Variants in FAS observed in about 807,000 individuals in gnomAD.
FAS encodes the protein tumor necrosis factor receptor superfamily member 6.
Under a neutral mutation model 33.2 loss-of-function variants are expected in FAS, and 5 were observed. The ratio of observed to expected loss-of-function variants is 0.15; its 90% CI spans 0.08 to 0.32. The LOEUF (loss-of-function observed/expected upper bound fraction) is 0.32, where lower values mean the gene tolerates loss of function less well. FAS is among the 10% of genes least tolerant of loss of function. The pLI is 1.00. For missense variants in FAS, 339 were observed against 386.0 expected (o/e 0.88, Z 1.02); for synonymous variants, 131 against 130.7 (o/e 1.00, Z -0.01).
chr10:88,986,349 T>C (rs2133364000), upstream of FAS, among the ~76,000 whole-genome samples: 1 of 152,264 alleles, frequency 6.6e-6, no homozygotes, highest in African/African-American at 2.4e-5. Context: ...AGGGGAGGGG[T>C]ACTCAATTGG....
At chr10:88,964,757 A>G (rs1208753118) in intron 1 of FAS, among the ~76,000 whole-genome samples, 1 of 152,136 alleles carries the variant, frequency 6.6e-6, no homozygotes, top group African/African-American at 2.4e-5. Flanking sequence ...GTATCTACAT[A>G]TCTTGTACCA....
chr10:89,002,390 T>G (rs1391899348), intron 1 of FAS, among the ~76,000 whole-genome samples: 1 of 152,162 alleles, frequency 6.6e-6, no homozygotes, highest in Non-Finnish European at 1.5e-5. Context: ...TACTGTCTCC[T>G]AAATATTGGG....
chr10:89,003,638 C>A (rs1207007533), intron 2 of FAS, among the ~76,000 whole-genome samples: 1 of 152,098 alleles, frequency 6.6e-6, no homozygotes, highest in Non-Finnish European at 1.5e-5. Context: ...CTGAAGCCTG[C>A]AAAATATATT....
chr10:88,981,302 T>C (rs1846704822), intron 2 of FAS, among the ~76,000 whole-genome samples: 1 of 152,236 alleles, frequency 6.6e-6, no homozygotes, highest in South Asian at 2.1e-4. Context: ...AGACATTGTG[T>C]GCATAAAGCA....
At position 89,016,024 on chromosome 10, in the gene FAS, A is replaced by C. The variant is rs2119480038; in HGVS notation, c.*1574A>C. 1 of 242,318 alleles carries C rather than the reference A, an allele frequency of 4.1e-6. No individual in the cohort carries two copies. The highest frequency in any genetic ancestry group is 5.9e-5 in the East Asian group (1 of 16,962). 15.0% of individuals were successfully genotyped at this position (242,318 alleles called of 1,614,324 possible). On this transcript the variant is annotated 3_prime_UTR_variant, in exon 9 of 9. Transcript: ENST00000652046. ...AACAGTTTCGTATTCCAGATACTGG[A>C]ATGTGGATAAGAAAGTATACATTTC...
chr10:89,013,199 A>T, intron 7 of FAS, 144 bp from the exon 8 acceptor site: 1 of 742,866 alleles, frequency 1.3e-6, no homozygotes, highest in Non-Finnish European at 2.2e-6. Flanking sequence ...CTTCTTAATC[A>T]CTTAATCTAG....
At chr10:88,998,305 T>C (rs1189954164) in intron 1 of FAS, among the ~76,000 whole-genome samples, 4 of 150,292 alleles carry the variant, frequency 2.7e-5, no homozygotes, top group Admixed American at 1.3e-4. Flanking sequence ...TTTAGAAATT[T>C]ATACTGTCTA....
chr10:89,011,058 G>C, intron 6 of FAS: 1 of 558,762 alleles, frequency 1.8e-6, no homozygotes, highest in Non-Finnish European at 3.2e-6. Flanking sequence ...ATGAACAGGT[G>C]TTCTCTGCAG....
rs9658769 is a variant in FAS, at chr10:89,013,606, C to A, written c.676+239C>A. Reference sequence around the variant, plus strand: ...ACACAATAGTCTGAGGCTTAAGAAACTTTTCCTTCATAATCAGCTAGATGT... The same window carrying A: ...ACACAATAGTCTGAGGCTTAAGAAAATTTTCCTTCATAATCAGCTAGATGT... On this transcript the variant is annotated intron_variant, in intron 8 of 8. Transcript: ENST00000652046. 0.17 allele frequency among the ~76,000 whole-genome samples: 25,651 copies of A among 152,034 alleles called. 2,662 individuals are homozygous for A. The highest frequency in any genetic ancestry group is 0.44 in the East Asian group (2,298 of 5,166).
intron 1 of FAS, chr10:88,973,040 T>C: frequency 1.0e-6 from 1 of 983,362 alleles, no homozygotes; most frequent in Non-Finnish European, 1.4e-6. Flanking sequence ...TTTGTAGTTG[T>C]TTTATTTTAA....
At chr10:88,971,112 T>A (rs1235208876) in intron 1 of FAS, among the ~76,000 whole-genome samples, 1 of 152,230 alleles carries the variant, frequency 6.6e-6, no homozygotes, top group African/African-American at 2.4e-5. Context: ...TTTCAAGCAA[T>A]GCTTAGCCAA....
At chr10:88,985,044 C>T (rs990777697), upstream of FAS, among the ~76,000 whole-genome samples, 2 of 152,098 alleles carry the variant, frequency 1.3e-5, no homozygotes, top group African/African-American at 2.4e-5. Flanking sequence ...CTATAAAAGG[C>T]GTTGGTGATG....
intron 1 of FAS, among the ~76,000 whole-genome samples, chr10:88,970,883 G>A (rs1168663780): frequency 6.7e-6 from 1 of 149,556 alleles, no homozygotes; most frequent in Non-Finnish European, 1.5e-5. Context: ...AAGTGTGTGT[G>A]TGTGTGTGTG....
chr10:89,014,486 A>G lies in FAS; in HGVS notation c.*36A>G. 6.3e-7 allele frequency: 1 copy of G among 1,579,716 alleles called. No homozygotes were observed. Among genetic ancestry groups the G allele is most frequent in the Non-Finnish European group, 8.6e-7 (1 of 1,160,564 alleles). The stretch of plus-strand genomic sequence containing the variant: ...AACAAATTCAGTTCTGAGTATATGC[A>G]ATTAGTGTTTGAAAAGATTCTTAAT... On this transcript the variant is annotated 3_prime_UTR_variant, in exon 9 of 9. Coordinates refer to ENST00000652046, the MANE Select transcript of FAS (RefSeq NM_000043.6).
chr10:88,975,947 G>T (rs1414373206), intron 2 of FAS, among the ~76,000 whole-genome samples: 1 of 151,992 alleles, frequency 6.6e-6, no homozygotes, highest in Non-Finnish European at 1.5e-5. Flanking sequence ...TCTTCATTTG[G>T]CTGACAAATT....
Position 89,003,233 on chromosome 10 carries a change from C to A in FAS, c.196+39C>A, listed in dbSNP as rs747898429. 4 of 1,611,560 alleles carry A rather than the reference C, an allele frequency of 2.5e-6. No individual in the cohort carries two copies. In the African/African-American group the frequency reaches 4.0e-5, roughly 16 times the overall value. On this transcript the variant is annotated intron_variant, in intron 2 of 8. Transcript: ENST00000652046. ...AACATCCAGAGATTACAGTGAAAGT[C>A]ACAGTTAGGAGTAGCACATAGTAAT...
chr10:88,992,375 T>C (rs1397729198), intron 1 of FAS: 2 of 152,204 alleles, frequency 1.3e-5, no homozygotes, highest in African/African-American at 4.8e-5. Context: ...CACTGCAATG[T>C]TGGCTGCTTT....
chr10:89,010,502 C>T (rs369817228), intron 4 of FAS, 37 bp from the exon 5 acceptor site: 24 of 1,562,874 alleles, frequency 1.5e-5, no homozygotes, highest in Non-Finnish European at 2.1e-5. Context: ...AATTATTCTG[C>T]CAGGCTTTTG....
chr10:88,969,725 C>T (rs1004398024), intron 1 of FAS, among the ~76,000 whole-genome samples: 1 of 152,186 alleles, frequency 6.6e-6, no homozygotes, highest in Non-Finnish European at 1.5e-5. Context: ...ATCTTTCCTT[C>T]ATAGTACTTA....
Sources: allele counts gnomAD v4.1 joint callset (sites outside exome capture counted in the v4.1 genomes callset), GRCh38; gene constraint gnomAD v4.1.1; transcripts MANE v1.5; gene names NCBI Gene and HGNC (gene_info 2026-07-23, HGNC 2026-07-21).